The following RGR variants were observed in gnomAD, a reference collection of about 807,000 sequenced individuals.
RGR encodes retinal G protein coupled receptor, also known as RPE-retinal G protein-coupled receptor.
A neutral mutation model predicts 28.6 loss-of-function variants in RGR; 30 were observed. That is an observed-to-expected ratio of 1.05 (90% confidence interval 0.78 to 1.42). The LOEUF is 1.42. Ranked by LOEUF, RGR falls within the 40% of genes most tolerant of loss-of-function variation. The pLI is 0.00. For synonymous variants in RGR, 180 were observed against 156.4 expected, an observed-to-expected ratio of 1.15 and a Z score of -1.13; for missense variants, 404 against 375.6, an observed-to-expected ratio of 1.08 and a Z score of -0.62.
At position 84,247,676 on chromosome 10, in the gene RGR, G is replaced by A; in HGVS notation, c.165G>A (p.Val55=). The part of the protein sequence containing the change: ...PELRTPCHLL[V]LSLALADSGI... ...TGCGGACTCCCTGCCACCTACTGGT[G>A]CTGAGCTTGGCTCTTGCGGACAGTG... Residue 55 remains valine (V), a synonymous_variant, in exon 2 of 7, where the codon GTG becomes GTA. Transcript: ENST00000652092. 1.9e-6 allele frequency: 3 copies of A among 1,614,184 alleles called. No individual in the cohort carries two copies. The highest frequency in any genetic ancestry group is 2.5e-6 in the Non-Finnish European group (3 of 1,180,042).
chr10:84,256,725 G>A (rs552902499), intron 5 of RGR, among the ~76,000 whole-genome samples: 1 of 152,290 alleles, frequency 6.6e-6, no homozygotes, highest in East Asian at 1.9e-4. Flanking sequence ...CCCAAGCCCT[G>A]TCTGGAGGTG....
chr10:84,252,706 G>C (rs1842833717), intron 3 of RGR, 151 bp from the exon 4 acceptor site: 13 of 1,019,880 alleles, frequency 1.3e-5, no homozygotes, highest in Non-Finnish European at 2.0e-5. Context: ...GCAGGATGTA[G>C]TGGCTCAATC....
chr10:84,248,459 G>A, intron 2 of RGR: 2 of 275,392 alleles, frequency 7.3e-6, no homozygotes, highest in South Asian at 4.1e-5. Flanking sequence ...GACCAGCCTG[G>A]GGGGTCTGCA....
rs964090389 is a variant in RGR at position 84,259,512 on chromosome 10, G to T, written c.*873G>T. 2 of 152,098 alleles carry T rather than the reference G, an allele frequency of 1.3e-5. No homozygotes were observed. Among genetic ancestry groups the T allele is most frequent in the African/African-American group, 4.8e-5 (2 of 41,428 alleles). The allele number at this position is 152,098 out of a possible 1,614,324, so 9.4% of individuals were successfully genotyped here. A position where few individuals can be genotyped will look rare whatever the true frequency, so the allele number is the denominator to read the frequency against. The stretch of plus-strand genomic sequence containing the variant: ...ACTAATTTACAGTCCCACCAACAGT[G>T]TATAGGTGTTCCCTTTTCTCTGCAT... On this transcript the variant is annotated 3_prime_UTR_variant, in exon 7 of 7. Transcript: ENST00000652092.
At position 84,245,066 on chromosome 10, in the gene RGR, C is replaced by T; in HGVS notation, c.-25C>T. ...CTGTGGGAAGCCAGAGACAGCTGGG[C>T]CACTGGCAGTGAGGGAGAGTGAGGA... On this transcript the variant is annotated 5_prime_UTR_variant, in exon 1 of 7. Transcript: ENST00000652092. 1 of 1,610,814 alleles carries T rather than the reference C, an allele frequency of 6.2e-7. No individual in the cohort carries two copies. The highest frequency in any genetic ancestry group is 1.7e-4 in the Middle Eastern group (1 of 5,938).
rs35042576 is a variant in RGR, at chr10:84,259,333, C to CAG, written c.*695_*696dup. 0.52 allele frequency: 79,621 copies of CAG among 152,492 alleles called. 22,209 individuals carry two copies. Among genetic ancestry groups the CAG allele is most frequent in the African/African-American group, 0.74 (30,624 of 41,400 alleles). The allele number at this position is 152,492 out of a possible 1,614,324, so 9.4% of individuals were successfully genotyped here. ...GATTCCATATCTTTGCTACTGTAAA[C>CAG]AGCTGTGATAAGCATACAAGTGCAG... On this transcript the variant is annotated 3_prime_UTR_variant, in exon 7 of 7. Coordinates refer to ENST00000652092, the MANE Select transcript of RGR (RefSeq NM_001012720.2).
At position 84,247,697 on chromosome 10, in the gene RGR, C is replaced by T. The variant is rs746786226; in HGVS notation, c.186C>T (p.Asp62=). 4.3e-6 allele frequency: 7 copies of T among 1,614,056 alleles called. No homozygotes were observed. The highest frequency in any genetic ancestry group is 2.2e-5 in the South Asian group (2 of 91,090). ...HLLVLSLALA[D]SGISLNALVA... ...TGGTGCTGAGCTTGGCTCTTGCGGA[C>T]AGTGGGATCAGCCTGAATGCCCTCG... Residue 62 remains aspartate (D), a synonymous_variant, in exon 2 of 7, where the codon GAC becomes GAT. Coordinates refer to ENST00000652092, the MANE Select transcript of RGR (RefSeq NM_001012720.2).
Position 84,254,328 on chromosome 10 carries a change from A to T in RGR, c.515A>T (p.Asn172Ile). ...CTLDYSKGDR[N>I]FTSFLFTMSF... ...TCCTCCACCCGCTCTCCCTGTAGAA[A>T]CTTCACCAGCTTCCTCTTCACCATG... Residue 172 changes from asparagine (N) to isoleucine (I), a missense_variant and splice_region_variant, in exon 5 of 7, where the codon AAC becomes ATC. Asn to Ile is a moderately radical substitution (Grantham distance 149, BLOSUM62 -3). Coordinates refer to ENST00000652092, the MANE Select transcript of RGR (RefSeq NM_001012720.2). The T allele has an allele frequency of 1.2e-6, 2 of 1,614,046 alleles. No individual in the cohort carries two copies. Among genetic ancestry groups the T allele is most frequent in the Non-Finnish European group, 1.7e-6 (2 of 1,179,938 alleles).
intron 5 of RGR, among the ~76,000 whole-genome samples, chr10:84,254,922 A>G (rs1589335049): frequency 6.6e-6 from 1 of 152,256 alleles, no homozygotes; most frequent in East Asian, 1.9e-4. Context: ...GCTGCCCCTG[A>G]CAGGTTTGGT....
At position 84,259,477 on chromosome 10, in the gene RGR, T is replaced by C. The variant is rs776990726; in HGVS notation, c.*838T>C. On this transcript the variant is annotated 3_prime_UTR_variant, in exon 7 of 7. Coordinates refer to ENST00000652092, the MANE Select transcript of RGR (RefSeq NM_001012720.2). ...GGAGAAATCACCATACTGTTTTCCA[T>C]AGGGGTTGTACTAATTTACAGTCCC... is the stretch of plus-strand genomic sequence containing the variant. The C allele has an allele frequency of 2.0e-5, 3 of 152,156 alleles. No individual in the cohort carries two copies. The highest frequency in any genetic ancestry group is 4.8e-5 in the African/African-American group (2 of 41,446). 9.4% of individuals were successfully genotyped at this position (152,156 alleles called of 1,614,324 possible).
intron 3 of RGR, 53 bp from the exon 4 acceptor site, chr10:84,252,804 C>A: frequency 6.2e-7 from 1 of 1,609,066 alleles, no homozygotes. Context: ...CTTTCTCACT[C>A]TATCAGGCCA....
At position 84,258,680 on chromosome 10, in the gene RGR, C is replaced by G. The variant is rs1329709747; in HGVS notation, c.*41C>G. ...GTGAGCCCCAGGCCAGGAGGCTGTT[C>G]CAGGAGTCCTGCCCAGCAGCCTCAG... is the stretch of plus-strand genomic sequence containing the variant. On this transcript the variant is annotated 3_prime_UTR_variant, in exon 7 of 7. Transcript: ENST00000652092. 1.2e-5 allele frequency: 19 copies of G among 1,612,996 alleles called. No homozygotes were observed. The highest frequency in any genetic ancestry group is 1.5e-5 in the Non-Finnish European group (18 of 1,179,650).
At position 84,258,839 on chromosome 10, in the gene RGR, C is replaced by T. The variant is rs764175932; in HGVS notation, c.*200C>T. 2.1e-4 allele frequency: 143 copies of T among 693,940 alleles called. No homozygotes were observed. The highest frequency in any genetic ancestry group is 1.2e-3 in the Middle Eastern group (3 of 2,548). 43.0% of individuals were successfully genotyped at this position (693,940 alleles called of 1,614,324 possible). On this transcript the variant is annotated 3_prime_UTR_variant, in exon 7 of 7. Transcript: ENST00000652092. ...GGACCTGAGTGTCGGTCACAGCCCC[C>T]TACACTCAAGGCTGAGAGGCCTCAG...
rs1842929251 is a variant in RGR, at chr10:84,259,604, C to G, written c.*965C>G. The G allele has an allele frequency of 6.6e-6, 1 of 152,094 alleles. No homozygotes were observed. Among genetic ancestry groups the G allele is most frequent in the Non-Finnish European group, 1.5e-5 (1 of 68,024 alleles). The allele number at this position is 152,094 out of a possible 1,614,324, so 9.4% of individuals were successfully genotyped here. Reference sequence around the variant, plus strand: ...CATTCTCACTTGTGTGAGATAAGGTCTCATTGTGGTTTTAATTTCCATTTC... The same window carrying G: ...CATTCTCACTTGTGTGAGATAAGGTGTCATTGTGGTTTTAATTTCCATTTC... On this transcript the variant is annotated 3_prime_UTR_variant, in exon 7 of 7. Transcript: ENST00000652092.
chr10:84,258,074 A>G, intron 6 of RGR, 68 bp downstream of exon 6: 1 of 1,351,112 alleles, frequency 7.4e-7, no homozygotes, highest in Non-Finnish European at 1.1e-6. Context: ...ATCTCATCTC[A>G]CTTTCTGGAT....
chr10:84,253,605 C>G (rs574325541), intron 4 of RGR, among the ~76,000 whole-genome samples: 1 of 152,308 alleles, frequency 6.6e-6, no homozygotes, highest in Admixed American at 6.5e-5. Context: ...CACATGGGCT[C>G]CAGCCCCTCT....
intron 1 of RGR, among the ~76,000 whole-genome samples, chr10:84,246,327 C>G (rs564096573): frequency 6.6e-6 from 1 of 152,204 alleles, no homozygotes; most frequent in South Asian, 2.1e-4. Flanking sequence ...GCACTCATCA[C>G]CCAAGTAGCG....
In RGR at chr10:84,252,866, T is replaced by C. The variant is rs759797685; in HGVS notation, c.368T>C (p.Leu123Pro). ...CCTCTGTCCTGTGCAGGTAGCCAGC[T>C]GGCCTGGAACTCAGCCGTCTCTCTG... ...RYHHYCTRSQLAWNSAVSLVL... is the reference protein window; with the variant it reads ...RYHHYCTRSQPAWNSAVSLVL... The change falls in exon 4 of 7, where the codon CTG (leucine) becomes CCG (proline). Residue 123 changes from leucine to proline, a missense_variant. Transcript: ENST00000652092. The C allele has an allele frequency of 1.9e-6, 3 of 1,614,070 alleles. No individual in the cohort carries two copies.
intron 5 of RGR, among the ~76,000 whole-genome samples, chr10:84,256,095 A>G (rs1351032918): frequency 1.4e-5 from 1 of 69,626 alleles, no homozygotes; most frequent in African/African-American, 6.7e-5. Context: ...TTTTGAGACA[A>G]GGTCTTACTC....
Sources: allele counts gnomAD v4.1 joint callset (sites outside exome capture counted in the v4.1 genomes callset), GRCh38; gene constraint gnomAD v4.1.1; transcripts MANE v1.5; gene names NCBI Gene and HGNC (gene_info 2026-07-23, HGNC 2026-07-21).